Variants in PCDHGA3 observed in about 807,000 individuals in gnomAD.
PCDHGA3 encodes protocadherin gamma subfamily A, 3.
In PCDHGA3, 40 loss-of-function variants were observed where a neutral mutation model predicts 58.5. The ratio of observed to expected loss-of-function variants is 0.68; its 90% CI spans 0.53 to 0.89. PCDHGA3 has a LOEUF of 0.89. PCDHGA3 is among the 40% of genes least tolerant of loss of function. PCDHGA3 has a pLI of 0.00. For missense variants in PCDHGA3, 1,223 were observed against 1,195.9 expected (o/e 1.02, Z -0.33); for synonymous variants, 530 against 525.7 (o/e 1.01, Z -0.11).
At chr5:141,390,066 G>A (rs2092035559) in intron 1 of PCDHGA3, 2 of 1,614,052 alleles carry the variant, frequency 1.2e-6, no homozygotes, top group East Asian at 2.2e-5. Flanking sequence ...CTTCCAGCCT[G>A]GTCTCTGTGT....
chr5:141,385,348 C>T, intron 1 of PCDHGA3: 1 of 1,557,574 alleles, frequency 6.4e-7, no homozygotes. Context: ...TCCTTTATTT[C>T]CATGAGGAAT....
At chr5:141,369,020 A>G (rs1349066558) in intron 1 of PCDHGA3, among the ~76,000 whole-genome samples, 1 of 152,204 alleles carries the variant, frequency 6.6e-6, no homozygotes, top group African/African-American at 2.4e-5. Context: ...TTATTGCTGC[A>G]CACTTGCCTA....
intron 1 of PCDHGA3, chr5:141,389,942 G>T: frequency 1.2e-6 from 2 of 1,614,070 alleles, no homozygotes; most frequent in African/African-American, 2.7e-5. Flanking sequence ...AGGCTGAGCT[G>T]CAGTTTTACC....
At position 141,344,567 on chromosome 5, in the gene PCDHGA3, C is replaced by T. The variant is rs182334334; in HGVS notation, c.534C>T (p.Phe178=). Residue 178 remains phenylalanine (F), a synonymous_variant, in exon 1 of 4, where the codon TTC becomes TTT. Transcript: ENST00000253812. ...QNYKLSPNDY[F]SLAVNSVSEG... ...ACAAGCTTAGCCCCAATGACTACTT[C>T]TCTCTGGCTGTGAATAGCGTCTCTG... is the stretch of plus-strand genomic sequence containing the variant. 11,516 of 1,614,012 alleles carry T rather than the reference C, an allele frequency of 7.1e-3. 61 individuals carry two copies. Among genetic ancestry groups the T allele is most frequent in the Non-Finnish European group, 8.3e-3 (9,774 of 1,179,900 alleles).
chr5:141,374,627 G>A (rs955993144), intron 1 of PCDHGA3: 2 of 1,613,064 alleles, frequency 1.2e-6, no homozygotes, highest in African/African-American at 1.3e-5. Flanking sequence ...CTCAGTGGAC[G>A]TGCAAAGCGA....
intron 1 of PCDHGA3, chr5:141,410,343 G>A (rs890241182): frequency 6.2e-7 from 1 of 1,613,964 alleles, no homozygotes; most frequent in Non-Finnish European, 8.5e-7. Flanking sequence ...ATTGCCTTGC[G>A]CCTGCGACGC....
At chr5:141,393,051 C>T in intron 1 of PCDHGA3, 1 of 1,613,622 alleles carries the variant, frequency 6.2e-7, no homozygotes, top group Non-Finnish European at 8.5e-7. Context: ...TCTGAACCCG[C>T]GCAGCGGCAG....
At chr5:141,403,674 T>C in intron 1 of PCDHGA3, 2 of 1,613,812 alleles carry the variant, frequency 1.2e-6, no homozygotes, top group South Asian at 2.2e-5. Flanking sequence ...AATGCCCCGG[T>C]TTTTGCTCAA....
chr5:141,383,949 G>A (rs538018556), intron 1 of PCDHGA3: 18 of 1,613,702 alleles, frequency 1.1e-5, no homozygotes, highest in Non-Finnish European at 1.3e-5. Flanking sequence ...TGACTATGAC[G>A]TCTTTAAGTA....
At chr5:141,478,670 C>T (rs1413742587) in intron 1 of PCDHGA3, 28 of 1,551,664 alleles carry the variant, frequency 1.8e-5, no homozygotes, top group Non-Finnish European at 2.4e-5. Flanking sequence ...TTCACACTTT[C>T]AACTGGCCCT....
chr5:141,490,833 G>C lies in PCDHGA3; in HGVS notation c.2425-3974G>C, dbSNP rs781529579. ...ACTATGAATTGCTGCAGATGCTGCA[G>C]ATTGTGGTGGGGGTTCGAGACTCCG... On this transcript the variant is annotated intron_variant, in intron 1 of 3. Coordinates refer to ENST00000253812, the MANE Select transcript of PCDHGA3 (RefSeq NM_018916.4). This position sits in a 1 kb window ranked among gnomAD's most constrained non-coding sequence, Gnocchi z 5.4. The C allele has an allele frequency of 6.2e-7, 1 of 1,613,932 alleles. No homozygotes were observed. Among genetic ancestry groups the C allele is most frequent in the East Asian group, 2.2e-5 (1 of 44,884 alleles).
At chr5:141,470,388 T>C (rs1234907080) in intron 1 of PCDHGA3, among the ~76,000 whole-genome samples, 4 of 152,198 alleles carry the variant, frequency 2.6e-5, no homozygotes, top group African/African-American at 9.6e-5. Flanking sequence ...TACTCGATGA[T>C]ATTTAGGATT....
intron 1 of PCDHGA3, chr5:141,478,292 CTATA>C (rs1257685524): frequency 6.2e-7 from 1 of 1,614,146 alleles, no homozygotes; most frequent in Admixed American, 1.7e-5. Flanking sequence ...GTCTAGAGAC[CTATA>C]CCGAGCCCCG....
rs1414722237 is a variant in PCDHGA3 at position 141,432,748 on chromosome 5, C to T, written c.2425-62059C>T. On this transcript the variant is annotated intron_variant, in intron 1 of 3. Coordinates refer to ENST00000253812, the MANE Select transcript of PCDHGA3 (RefSeq NM_018916.4). The surrounding 1 kb of genome is among the most constrained non-coding windows in gnomAD (Gnocchi z 6.0). ...CCGCCACTGTCACGCTCACCGTGGC[C>T]GTGGCCGACAGCATCCCCCAAGTCC... 1 of 1,614,120 alleles carries T rather than the reference C, an allele frequency of 6.2e-7. No homozygotes were observed. The highest frequency in any genetic ancestry group is 8.5e-7 in the Non-Finnish European group (1 of 1,179,980).
rs536970079 is a variant in PCDHGA3 at position 141,405,367 on chromosome 5, T to C, written c.2424+58910T>C. The C allele has an allele frequency of 1.9e-5, 30 of 1,613,694 alleles. No homozygotes were observed. In the African/African-American group the frequency reaches 3.2e-4, roughly 17 times the overall value. The stretch of plus-strand genomic sequence containing the variant: ...CCAAGTTTCCTATAGAAGACACCCC[T>C]TTGGTTCCGGTGAGTTCATTTTTTT... On this transcript the variant is annotated intron_variant, in intron 1 of 3. Transcript: ENST00000253812.
intron 1 of PCDHGA3, among the ~76,000 whole-genome samples, chr5:141,406,261 C>T (rs2154537343): frequency 6.6e-6 from 1 of 152,132 alleles, no homozygotes; most frequent in African/African-American, 2.4e-5. Flanking sequence ...CTCAAACGAT[C>T]TTCCTGCTTC....
rs994878374 is a variant in PCDHGA3, at chr5:141,491,785, C to T, written c.2425-3022C>T. ...TCCTCATAAGGGATTGAACTTGCAT[C>T]CACTCCTCTCCGGCCGGCTTGGTCG... is the stretch of plus-strand genomic sequence containing the variant. On this transcript the variant is annotated intron_variant, in intron 1 of 3. Transcript: ENST00000253812. The surrounding 1 kb of genome is among the most constrained non-coding windows in gnomAD (Gnocchi z 6.9). 20 of 1,529,458 alleles carry T rather than the reference C, an allele frequency of 1.3e-5. No individual in the cohort carries two copies. Among genetic ancestry groups the T allele is most frequent in the Non-Finnish European group, 1.8e-5 (20 of 1,139,198 alleles). The allele number at this position is 1,529,458 out of a possible 1,614,324, so 94.7% of individuals were successfully genotyped here. A position where few individuals can be genotyped will look rare whatever the true frequency, so the allele number is the denominator to read the frequency against.
At position 141,476,903 on chromosome 5, in the gene PCDHGA3, G is replaced by C; in HGVS notation, c.2425-17904G>C. On this transcript the variant is annotated intron_variant, in intron 1 of 3. Transcript: ENST00000253812. The surrounding 1 kb of genome is among the most constrained non-coding windows in gnomAD (Gnocchi z 7.6). Reference sequence around the variant, plus strand: ...GGAGGATGCACCCTCCGGCACGCGCGTGGTACAAGTCCTTGCAACGGATCT... The same window carrying C: ...GGAGGATGCACCCTCCGGCACGCGCCTGGTACAAGTCCTTGCAACGGATCT... The C allele has an allele frequency of 1.2e-6, 2 of 1,614,018 alleles. No individual in the cohort carries two copies. Among genetic ancestry groups the C allele is most frequent in the Non-Finnish European group, 1.7e-6 (2 of 1,180,044 alleles).
At position 141,511,106 on chromosome 5, in the gene PCDHGA3, G is replaced by T. The variant is rs536900646; in HGVS notation, c.2732G>T (p.Arg911Leu). ...NATLTNAAGK[R>L]DGKAPAGGNG... is the part of the protein sequence containing the mutation. Reference sequence around the variant, plus strand: ...ACACTGACCAACGCAGCTGGCAAGCGGGATGGCAAGGCCCCAGCAGGTGGC... The same window carrying T: ...ACACTGACCAACGCAGCTGGCAAGCTGGATGGCAAGGCCCCAGCAGGTGGC... Residue 911 changes from arginine to leucine, a missense_variant, in exon 4 of 4, where the codon CGG becomes CTG. This residue lies in a region of PCDHGA3 where 325 missense variants were observed against 327.5 expected (regional missense o/e 0.99). Transcript: ENST00000253812. 8.7e-6 allele frequency: 14 copies of T among 1,614,196 alleles called. No individual in the cohort carries two copies. Among genetic ancestry groups the T allele is most frequent in the Non-Finnish European group, 1.2e-5 (14 of 1,180,016 alleles).
Sources: allele counts gnomAD v4.1 joint callset (sites outside exome capture counted in the v4.1 genomes callset), GRCh38; gene constraint gnomAD v4.1.1; regional missense constraint gnomAD v4.1.1; non-coding constraint Gnocchi (gnomAD v3.1); transcripts MANE v1.5; gene names NCBI Gene and HGNC (gene_info 2026-07-23, HGNC 2026-07-21).